Variants in CLVS1 observed in about 807,000 individuals in gnomAD.
The protein encoded by CLVS1 is clavesin-1.
CLVS1 carries 10 observed loss-of-function variants against 33.1 expected under a neutral mutation model. The observed-to-expected ratio is 0.30, with a 90% CI of 0.19 to 0.51. The LOEUF is 0.51. CLVS1 is among the 20% of genes least tolerant of loss of function. The pLI is 0.97. For missense variants in CLVS1, 343 were observed against 433.4 expected (o/e 0.79, Z 1.85); for synonymous variants, 163 against 166.1 (o/e 0.98, Z 0.14).
intron 3 of CLVS1, among the ~76,000 whole-genome samples, chr8:61,429,335 G>A (rs535870775): frequency 2.7e-5 from 4 of 149,808 alleles, no homozygotes; most frequent in South Asian, 2.1e-4. Context: ...CAGGAGAATC[G>A]CTTGAACCTG....
chr8:61,411,382 C>G (rs1815217178), intron 3 of CLVS1, among the ~76,000 whole-genome samples: 1 of 152,106 alleles, frequency 6.6e-6, no homozygotes. Flanking sequence ...AGAAGCAAGG[C>G]TCTATGTTTC....
At chr8:61,438,630 T>C (rs1816431650) in intron 3 of CLVS1, among the ~76,000 whole-genome samples, 1 of 152,218 alleles carries the variant, frequency 6.6e-6, no homozygotes, top group African/African-American at 2.4e-5. Flanking sequence ...GTTGAACTAA[T>C]TTACATTCCC....
At chr8:61,048,119 G>A in the CLVS1 span, among the ~76,000 whole-genome samples, 3 of 152,152 alleles carry the variant, frequency 2.0e-5, no homozygotes, top group Non-Finnish European at 4.4e-5. Context: ...GGTTCTTGGT[G>A]CTCCTAGGCT....
intron 5 of CLVS1, among the ~76,000 whole-genome samples, chr8:61,482,320 A>G (rs1185692316): frequency 6.6e-6 from 1 of 152,242 alleles, no homozygotes; most frequent in African/African-American, 2.4e-5. Context: ...GCAGCTCCTC[A>G]CCAGCAATGG....
At chr8:61,454,088 G>A in intron 3 of CLVS1, 53 bp from the exon 4 acceptor site, 1 of 1,260,118 alleles carries the variant, frequency 7.9e-7, no homozygotes, top group Non-Finnish European at 1.2e-6. Flanking sequence ...TGCTGGTCCA[G>A]TCTAACAAGG....
At chr8:61,236,392 C>T (rs536946930) in intron 2 of CLVS1, among the ~76,000 whole-genome samples, 3 of 152,212 alleles carry the variant, frequency 2.0e-5, no homozygotes, top group African/African-American at 7.2e-5. Flanking sequence ...AACCTACCTG[C>T]TAGATGTTAA....
chr8:61,049,423 C>A, the CLVS1 span, among the ~76,000 whole-genome samples: 3 of 152,132 alleles, frequency 2.0e-5, no homozygotes, highest in African/African-American at 7.2e-5. Flanking sequence ...CTGTCTCAAC[C>A]AATATACAGA....
chr8:61,432,920 A>G (rs1386880779), intron 3 of CLVS1, among the ~76,000 whole-genome samples: 1 of 152,102 alleles, frequency 6.6e-6, no homozygotes, highest in Non-Finnish European at 1.5e-5. Context: ...AAGAGGAAAG[A>G]GCAAGTAGGA....
chr8:61,325,245 G>A (rs1009432409), intron 2 of CLVS1, among the ~76,000 whole-genome samples: 2 of 151,958 alleles, frequency 1.3e-5, no homozygotes, highest in Non-Finnish European at 2.9e-5. Flanking sequence ...GTAACTATGT[G>A]AGGATGTGAA....
At chr8:61,357,120 G>A (rs1382356444) in intron 2 of CLVS1, among the ~76,000 whole-genome samples, 1 of 152,092 alleles carries the variant, frequency 6.6e-6, no homozygotes, top group Non-Finnish European at 1.5e-5. Context: ...TCCTTGAAGA[G>A]ATCCTTCACA....
intron 1 of CLVS1, among the ~76,000 whole-genome samples, chr8:61,290,233 G>A (rs1278511583): frequency 1.3e-5 from 2 of 152,182 alleles, no homozygotes; most frequent in East Asian, 1.9e-4. Flanking sequence ...TGCTGCTTCA[G>A]TGAGATTTAC....
chr8:61,206,088 C>T (rs1195225733), intron 2 of CLVS1, among the ~76,000 whole-genome samples: 2 of 152,132 alleles, frequency 1.3e-5, no homozygotes, highest in Non-Finnish European at 2.9e-5. Flanking sequence ...CAGGTCAGTA[C>T]TTTTCTAGTT....
intron 2 of CLVS1, among the ~76,000 whole-genome samples, chr8:61,312,431 G>C (rs757047747): frequency 6.6e-6 from 1 of 152,176 alleles, no homozygotes; most frequent in Non-Finnish European, 1.5e-5. Flanking sequence ...CGTCAGATAA[G>C]AAAGTAAAGA....
At chr8:61,166,412 G>A (rs916436415) in intron 2 of CLVS1, among the ~76,000 whole-genome samples, 2 of 152,076 alleles carry the variant, frequency 1.3e-5, no homozygotes, top group Non-Finnish European at 1.5e-5. Context: ...GGGATTACAC[G>A]TGTGAGCCAC....
In CLVS1 at chr8:61,409,132, T is replaced by C. The variant is rs145435977; in HGVS notation, c.630+32353T>C. Among the ~76,000 whole-genome samples the C allele has an allele frequency of 2.2e-3, 335 of 152,334 alleles. 3 individuals are homozygous for C. The highest frequency in any genetic ancestry group is 7.8e-3 in the African/African-American group (323 of 41,574). On this transcript the variant is annotated intron_variant, in intron 3 of 5. Coordinates refer to ENST00000325897, the MANE Select transcript of CLVS1 (RefSeq NM_173519.3). ...TTGGTGAGACTATTAAAATCAGACA[T>C]ATTTCAATATGACTGACACATATAA... is the stretch of plus-strand genomic sequence containing the variant.
Position 61,427,913 on chromosome 8 carries a change from A to C in CLVS1, c.631-26228A>C, listed in dbSNP as rs543221598. On this transcript the variant is annotated intron_variant, in intron 3 of 5. Transcript: ENST00000325897. ...TCCTTCTCCGGAGAGCCCTACAAAC[A>C]TTCATCAATGTTCCTTCCTCCGCCC... is the stretch of plus-strand genomic sequence containing the variant. Among the ~76,000 whole-genome samples, 12 of 152,354 alleles carry C rather than the reference A, an allele frequency of 7.9e-5. No homozygotes were observed. The East Asian group carries it at 2.3e-3, about 29-fold the overall frequency.
intron 2 of CLVS1, among the ~76,000 whole-genome samples, chr8:61,222,300 C>A (rs1178167828): frequency 6.6e-6 from 1 of 151,958 alleles, no homozygotes; most frequent in African/African-American, 2.4e-5. Flanking sequence ...ATTTTTCTGG[C>A]TTTCTGATAT....
intron 1 of CLVS1, among the ~76,000 whole-genome samples, chr8:61,095,168 T>C (rs1805327229): frequency 6.6e-6 from 1 of 152,232 alleles, no homozygotes; most frequent in African/African-American, 2.4e-5. Context: ...GAACTCGCCC[T>C]ACCTAGTTAT....
intron 1 of CLVS1, among the ~76,000 whole-genome samples, chr8:61,064,428 G>C (rs1437774201): frequency 6.6e-6 from 1 of 151,988 alleles, no homozygotes; most frequent in African/African-American, 2.4e-5. Flanking sequence ...TTTCATTGAG[G>C]TTTTGATTTG....
Sources: allele counts gnomAD v4.1 joint callset (sites outside exome capture counted in the v4.1 genomes callset), GRCh38; gene constraint gnomAD v4.1.1; transcripts MANE v1.5; gene names NCBI Gene and HGNC (gene_info 2026-07-23, HGNC 2026-07-21).